The following AKT2 variants were observed in gnomAD, a reference collection of about 807,000 sequenced individuals.
AKT2 encodes AKT serine/threonine kinase 2.
AKT2 carries 16 observed loss-of-function variants against 58.6 expected under a neutral mutation model. The observed-to-expected ratio is 0.27, with a 90% CI of 0.18 to 0.41. The LOEUF is 0.41. Ranked by LOEUF, AKT2 falls within the 10% of genes least tolerant of loss-of-function variation. The pLI is 1.00. For missense variants in AKT2, 438 were observed against 661.0 expected (o/e 0.66, Z 3.70); for synonymous variants, 253 against 254.0 (o/e 1.00, Z 0.04).
rs1399189737 is a variant in AKT2, at chr19:40,235,125, T to C, written c.1286A>G (p.Gln429Arg). 3.1e-6 allele frequency: 5 copies of C among 1,613,908 alleles called. No homozygotes were observed. The highest frequency in any genetic ancestry group is 3.3e-5 in the Admixed American group (2 of 60,012). The change falls in exon 13 of 14, where the codon CAG (glutamine) becomes CGG (arginine). Residue 429 changes from glutamine (Q) to arginine (R), a missense_variant. Around this residue, in one of 3 missense-constraint regions of AKT2, gnomAD observed 148 missense variants for 199.5 expected, o/e 0.74. Coordinates refer to ENST00000392038, the MANE Select transcript of AKT2 (RefSeq NM_001626.6). This position sits in a 1 kb window ranked among gnomAD's most constrained non-coding sequence, Gnocchi z 6.3. Reference protein sequence around the residue: ...QKKLLPPFKPQVTSEVDTRYF... With the variant: ...QKKLLPPFKPRVTSEVDTRYF... ...CCTTGTGTCGACCTCGGACGTGACC[T>C]GAGGTTTGAAGGGTGGCAGGAGCTA...
intron 2 of AKT2, among the ~76,000 whole-genome samples, chr19:40,264,852 T>G (rs1976229254): frequency 6.6e-6 from 1 of 152,190 alleles, no homozygotes; most frequent in Non-Finnish European, 1.5e-5. Flanking sequence ...AGGGGACCAC[T>G]GTGTCTCGGA....
At position 40,231,278 on chromosome 19, in the gene AKT2, G is replaced by A. The variant is rs995463224; in HGVS notation, c.*2594C>T. On this transcript the variant is annotated 3_prime_UTR_variant, in exon 14 of 14. Transcript: ENST00000392038. ...GTAGCCAGGCCTGTGCCCACACTAC[G>A]AGACCTGCATCACCATGGTGTGAGG... 1.3e-5 allele frequency: 3 copies of A among 232,212 alleles called. No homozygotes were observed. Among genetic ancestry groups the A allele is most frequent in the East Asian group, 1.2e-4 (2 of 16,470 alleles). The allele number at this position is 232,212 out of a possible 1,614,324, so 14.4% of individuals were successfully genotyped here.
rs3730257 is a variant in AKT2, at chr19:40,242,089, T to A, written c.442-20A>T. ...CATGGTCTGCCAGGGACAGGGAGAGTGGGGGCAGTCAGCGCCTGGCTCATG... is the reference window on the plus strand; with the variant it reads ...CATGGTCTGCCAGGGACAGGGAGAGAGGGGGCAGTCAGCGCCTGGCTCATG... On this transcript the variant is annotated intron_variant, in intron 5 of 13. Coordinates refer to ENST00000392038, the MANE Select transcript of AKT2 (RefSeq NM_001626.6). The surrounding 1 kb of genome is among the most constrained non-coding windows in gnomAD (Gnocchi z 4.3). 1.2e-6 allele frequency: 2 copies of A among 1,613,608 alleles called. No homozygotes were observed. The highest frequency in any genetic ancestry group is 2.7e-5 in the African/African-American group (2 of 74,794).
chr19:40,270,298 G>A (rs1485609369), intron 1 of AKT2, among the ~76,000 whole-genome samples: 1 of 152,210 alleles, frequency 6.6e-6, no homozygotes, highest in African/African-American at 2.4e-5. Context: ...ACAAAGGCAG[G>A]ACTCTTGGCT....
Position 40,242,753 on chromosome 19 carries a change from TGCCACCTCCCA to T in AKT2, c.288-77_288-67del. 5 of 1,568,624 alleles carry T rather than the reference TGCCACCTCCCA, an allele frequency of 3.2e-6. No homozygotes were observed. Among genetic ancestry groups the T allele is most frequent in the Non-Finnish European group, 3.5e-6 (4 of 1,153,966 alleles). ...TGGGCCTCAGAGTCGAACAGCTGAG[TGCCACCTCCCA>T]GCCACCCCCAGCAACAGGCAAGCAA... On this transcript the variant is annotated intron_variant, in intron 4 of 13. Coordinates refer to ENST00000392038, the MANE Select transcript of AKT2 (RefSeq NM_001626.6). This position sits in a 1 kb window ranked among gnomAD's most constrained non-coding sequence, Gnocchi z 4.3.
intron 1 of AKT2, chr19:40,266,202 C>T (rs534852792): frequency 6.6e-6 from 1 of 152,476 alleles, no homozygotes; most frequent in East Asian, 1.9e-4. Flanking sequence ...AGCTGGGCCC[C>T]TACCTGGAGC....
Position 40,233,880 on chromosome 19 carries a change from G to C in AKT2, c.1438C>G (p.Arg480Gly), listed in dbSNP as rs769806554. Residue 480 changes from arginine to glycine, a missense_variant, in exon 14 of 14, where the codon CGC (arginine) becomes GGC (glycine). Arg to Gly is a moderately radical substitution (Grantham distance 125, BLOSUM62 -2). This residue lies in a region of AKT2 where 148 missense variants were observed against 199.5 expected (regional missense o/e 0.74). Transcript: ENST00000392038. The surrounding 1 kb of genome is among the most constrained non-coding windows in gnomAD (Gnocchi z 4.3). ...FPQFSYSASI[R>G]E The stretch of plus-strand genomic sequence containing the variant: ...CTGCGTGGGCAGACTGCTCACTCGC[G>C]GATGCTGGCCGAGTAGGAGAACTGG... 1 of 1,611,442 alleles carries C rather than the reference G, an allele frequency of 6.2e-7. No individual in the cohort carries two copies. Among genetic ancestry groups the C allele is most frequent in the Non-Finnish European group, 8.5e-7 (1 of 1,179,942 alleles).
rs1974158899 is a variant in AKT2 at position 40,238,351 on chromosome 19, G to GA, written c.709-261dup. On this transcript the variant is annotated intron_variant, in intron 8 of 13. Transcript: ENST00000392038. The surrounding 1 kb of genome is among the most constrained non-coding windows in gnomAD (Gnocchi z 5.1). ...CCGAGACAGGAGGGAGGATGGCATGGAGGCAAAAAGAAGCACACGTCATGA... is the reference window on the plus strand; with the variant it reads ...CCGAGACAGGAGGGAGGATGGCATGGAAGGCAAAAAGAAGCACACGTCATGA... Among the ~76,000 whole-genome samples the GA allele has an allele frequency of 6.6e-6, 1 of 152,206 alleles. No individual in the cohort carries two copies. Among genetic ancestry groups the GA allele is most frequent in the South Asian group, 2.1e-4 (1 of 4,830 alleles).
chr19:40,235,400 G>A lies in AKT2; in HGVS notation c.1176-50C>T, dbSNP rs893232023. ...CTGCCTCCCGGAGCAGCTGGGTTCG[G>A]GCAGACGGGCTTTCGGAGCAGGCAG... On this transcript the variant is annotated intron_variant, in intron 11 of 13. Transcript: ENST00000392038. This position sits in a 1 kb window ranked among gnomAD's most constrained non-coding sequence, Gnocchi z 6.3. 6.3e-7 allele frequency: 1 copy of A among 1,580,050 alleles called. No individual in the cohort carries two copies. Among genetic ancestry groups the A allele is most frequent in the East Asian group, 2.2e-5 (1 of 44,716 alleles).
intron 4 of AKT2, 92 bp downstream of exon 4, chr19:40,255,065 AG>A: frequency 2.0e-6 from 2 of 1,024,494 alleles, no homozygotes; most frequent in Non-Finnish European, 3.1e-6. Context: ...ACCCCTATGT[AG>A]GGTCCCAGGG....
intron 1 of AKT2, chr19:40,265,982 C>G (rs998873598): frequency 6.4e-6 from 1 of 156,016 alleles, no homozygotes; most frequent in Non-Finnish European, 1.4e-5. Flanking sequence ...CTCAGACAAT[C>G]CGGGATCTTG....
chr19:40,234,967 T>G lies in AKT2; in HGVS notation c.1366+78A>C. 7.6e-5 allele frequency: 101 copies of G among 1,324,264 alleles called. No individual in the cohort carries two copies. The highest frequency in any genetic ancestry group is 1.0e-4 in the Non-Finnish European group (94 of 920,466). The allele number at this position is 1,324,264 out of a possible 1,614,324, so 82.0% of individuals were successfully genotyped here. A position where few individuals can be genotyped will look rare whatever the true frequency, so the allele number is the denominator to read the frequency against. On this transcript the variant is annotated intron_variant, in intron 13 of 13. Coordinates refer to ENST00000392038, the MANE Select transcript of AKT2 (RefSeq NM_001626.6). This position sits in a 1 kb window ranked among gnomAD's most constrained non-coding sequence, Gnocchi z 4.7. The stretch of plus-strand genomic sequence containing the variant: ...AGCGGGGGCCTTCGAGGGCCCTCCT[T>G]GAGAAGTGAGTTAAGAGCAGATCCC...
intron 1 of AKT2, among the ~76,000 whole-genome samples, chr19:40,276,417 G>A (rs2077326662): frequency 8.2e-6 from 1 of 121,216 alleles, no homozygotes; most frequent in Admixed American, 1.1e-4. Context: ...CCAGGCTGGA[G>A]TGCAGTAGTG....
intron 2 of AKT2, among the ~76,000 whole-genome samples, chr19:40,262,372 C>T (rs1036776156): frequency 6.6e-5 from 10 of 152,202 alleles, no homozygotes; most frequent in Middle Eastern, 3.2e-3. Context: ...CAGCTGTTAC[C>T]TGGGAGAGCC....
Position 40,234,982 on chromosome 19 carries a change from G to A in AKT2, c.1366+63C>T. ...GGGCCCTCCTTGAGAAGTGAGTTAA[G>A]AGCAGATCCCATCCCTCCACCCCTG... On this transcript the variant is annotated intron_variant, in intron 13 of 13. Transcript: ENST00000392038. This position sits in a 1 kb window ranked among gnomAD's most constrained non-coding sequence, Gnocchi z 4.7. The A allele has an allele frequency of 7.0e-7, 1 of 1,429,608 alleles. No individual in the cohort carries two copies. The highest frequency in any genetic ancestry group is 1.1e-5 in the South Asian group (1 of 86,958). 88.6% of individuals were successfully genotyped at this position (1,429,608 alleles called of 1,614,324 possible).
At chr19:40,284,946 A>G (rs1600130384) in intron 1 of AKT2, 1 of 337,578 alleles carries the variant, frequency 3.0e-6, no homozygotes, top group East Asian at 4.5e-5. Flanking sequence ...CGTCCCGCAA[A>G]CTTGCAGCGC....
Position 40,242,180 on chromosome 19 carries a change from AG to A in AKT2, c.442-112del. On this transcript the variant is annotated intron_variant, in intron 5 of 13. Transcript: ENST00000392038. The surrounding 1 kb of genome is among the most constrained non-coding windows in gnomAD (Gnocchi z 4.3). ...AAAAGACACTGTTGCCAAACGGCTT[AG>A]GCTGGAGCAGGAAGGGAGGCTCTGG... 6.7e-7 allele frequency: 1 copy of A among 1,481,736 alleles called. No homozygotes were observed. Among genetic ancestry groups the A allele is most frequent in the Non-Finnish European group, 9.2e-7 (1 of 1,081,244 alleles). 91.8% of individuals were successfully genotyped at this position (1,481,736 alleles called of 1,614,324 possible).
At chr19:40,283,347 C>T (rs1417128832) in intron 1 of AKT2, among the ~76,000 whole-genome samples, 1 of 152,176 alleles carries the variant, frequency 6.6e-6, no homozygotes, top group East Asian at 1.9e-4. Flanking sequence ...ACTGTTAGCC[C>T]CATCAGGCAA....
intron 2 of AKT2, among the ~76,000 whole-genome samples, chr19:40,258,352 T>C (rs898925825): frequency 6.7e-6 from 1 of 150,324 alleles, no homozygotes. Context: ...GGATGAATCA[T>C]GTAGTACATC....
Sources: gnomAD v4.1 joint callset for allele counts (sites outside exome capture counted in the v4.1 genomes callset) on GRCh38, gnomAD v4.1.1 for gene constraint, gnomAD v4.1.1 regional missense constraint, Gnocchi (gnomAD v3.1) non-coding constraint, MANE v1.5 for transcripts, NCBI Gene and HGNC (gene_info 2026-07-23, HGNC 2026-07-21) for gene names.